The following CAP1 variants were observed in gnomAD, a reference collection of about 807,000 sequenced individuals.
CAP1 encodes adenylyl cyclase-associated protein 1.
Under a neutral mutation model 58.2 loss-of-function variants are expected in CAP1, and 11 were observed. The observed-to-expected ratio is 0.19, with a 90% CI of 0.12 to 0.31. CAP1 has a LOEUF of 0.31. CAP1 is among the 10% of genes least tolerant of loss of function. The pLI, the probability that CAP1 is intolerant of heterozygous loss-of-function variation, is 1.00. For missense variants in CAP1, 423 were observed against 587.5 expected (o/e 0.72, Z 2.89); for synonymous variants, 183 against 213.8 (o/e 0.86, Z 1.26).
In CAP1 at chr1:40,071,094, A is replaced by G. The variant is rs375040449; in HGVS notation, c.1344+115A>G. On this transcript the variant is annotated intron_variant, in intron 12 of 12. Coordinates refer to ENST00000372805, the MANE Select transcript of CAP1 (RefSeq NM_006367.4). ...GCACTGAGCAGGTAAAAACCCAATA[A>G]TGCACACCAAAAGTACACAGAAATG... The G allele has an allele frequency of 4.5e-5, 42 of 937,328 alleles. 1 individual carries two copies. Among genetic ancestry groups the G allele is most frequent in the East Asian group, 1.7e-4 (7 of 41,096 alleles). 58.1% of individuals were successfully genotyped at this position (937,328 alleles called of 1,614,324 possible).
rs11396688 is a variant in CAP1 at position 40,043,874 on chromosome 1, C to CAA, written c.-11+3082_-11+3083dup. Among the ~76,000 whole-genome samples the CAA allele has an allele frequency of 6.4e-4, 95 of 147,898 alleles. No individual in the cohort carries two copies. The East Asian group carries it at 7.1e-3, about 11-fold the overall frequency. On this transcript the variant is annotated intron_variant, in intron 1 of 12. Coordinates refer to ENST00000372805, the MANE Select transcript of CAP1 (RefSeq NM_006367.4). ...CCTGGGTGATAGTGAGACTCTGTCT[C>CAA]AAAAAAAAAAGAAAAGAAAAAAGAA...
chr1:40,059,157 T>TA (rs1271182496), intron 1 of CAP1, among the ~76,000 whole-genome samples, 180 bp from the exon 2 acceptor site: 1 of 152,186 alleles, frequency 6.6e-6, no homozygotes, highest in Non-Finnish European at 1.5e-5. Flanking sequence ...GCTACTTTTT[T>TA]ATCTGATATT....
chr1:40,065,872 A>G (rs1221497019), intron 6 of CAP1, among the ~76,000 whole-genome samples: 1 of 152,146 alleles, frequency 6.6e-6, no homozygotes, highest in African/African-American at 2.4e-5. Flanking sequence ...TCAGTTTTAC[A>G]TATTAGATTG....
intron 1 of CAP1, among the ~76,000 whole-genome samples, chr1:40,049,598 C>T (rs1646265491): frequency 6.6e-6 from 1 of 152,122 alleles, no homozygotes; most frequent in Non-Finnish European, 1.5e-5. Context: ...CCTCCAAAAG[C>T]TTGTCTGTTC....
chr1:40,063,873 G>T (rs902406722), intron 4 of CAP1, among the ~76,000 whole-genome samples: 2 of 152,134 alleles, frequency 1.3e-5, no homozygotes, highest in African/African-American at 4.8e-5. Context: ...GGAAAATTTG[G>T]ATTCATGGGA....
chr1:40,045,255 G>A (rs149217588), intron 1 of CAP1, among the ~76,000 whole-genome samples: 81 of 152,242 alleles, frequency 5.3e-4, no homozygotes, highest in African/African-American at 1.8e-3. Context: ...GAATTGCTGC[G>A]TTAGAAAGTA....
At chr1:40,063,710 T>C (rs528030713) in intron 4 of CAP1, among the ~76,000 whole-genome samples, 12 of 152,330 alleles carry the variant, frequency 7.9e-5, no homozygotes, top group Admixed American at 5.2e-4. Flanking sequence ...AAAGAGCTCG[T>C]CTTTGAAGAA....
rs116088051 is a variant in CAP1 at position 40,058,839 on chromosome 1, G to T, written c.-10-498G>T. Among the ~76,000 whole-genome samples, 874 of 152,280 alleles carry T rather than the reference G, an allele frequency of 5.7e-3. 6 individuals carry two copies. The highest frequency in any genetic ancestry group is 0.02 in the African/African-American group (840 of 41,564). On this transcript the variant is annotated intron_variant, in intron 1 of 12. Coordinates refer to ENST00000372805, the MANE Select transcript of CAP1 (RefSeq NM_006367.4). ...AACACACTGAACTTAGAACCAGAAGGATCAGATAAGGATATGATGGAGTAC... is the reference window on the plus strand; with the variant it reads ...AACACACTGAACTTAGAACCAGAAGTATCAGATAAGGATATGATGGAGTAC...
At chr1:40,057,373 G>A (rs1249351025) in intron 1 of CAP1, 3 of 152,214 alleles carry the variant, frequency 2.0e-5, no homozygotes, top group East Asian at 3.8e-4. Flanking sequence ...CAGGAATTCA[G>A]ATATCAGTTG....
intron 1 of CAP1, among the ~76,000 whole-genome samples, chr1:40,042,325 A>T (rs1475843956): frequency 1.3e-5 from 2 of 152,274 alleles, no homozygotes; most frequent in East Asian, 3.8e-4. Context: ...CATAGTGCAT[A>T]GCACAGGGCT....
chr1:40,069,454 A>G (rs1296921734), intron 8 of CAP1: 1 of 414,464 alleles, frequency 2.4e-6, no homozygotes. Context: ...GGATTTACAT[A>G]TCCTTATCCT....
intron 1 of CAP1, among the ~76,000 whole-genome samples, chr1:40,048,298 C>T (rs1256577870): frequency 6.6e-6 from 1 of 152,168 alleles, no homozygotes; most frequent in East Asian, 1.9e-4. Flanking sequence ...CCTTCTCAGC[C>T]TCCCAAAGCG....
intron 12 of CAP1, 104 bp from the exon 13 acceptor site, chr1:40,071,346 C>T (rs1647978869): frequency 2.6e-6 from 2 of 772,582 alleles, no homozygotes; most frequent in Non-Finnish European, 4.4e-6. Context: ...TTGTACCGTG[C>T]TCCTGGGGTT....
chr1:40,046,618 C>T (rs1047134777), intron 1 of CAP1, among the ~76,000 whole-genome samples: 3 of 152,162 alleles, frequency 2.0e-5, no homozygotes, highest in African/African-American at 7.2e-5. Context: ...GTGATTTCAT[C>T]ATTGTGGGAA....
rs1646994109 is a variant in CAP1, at chr1:40,064,544, A to G, written c.509A>G (p.Lys170Arg). 6.8e-6 allele frequency: 11 copies of G among 1,612,438 alleles called. No individual in the cohort carries two copies. Among genetic ancestry groups the G allele is most frequent in the East Asian group, 2.2e-5 (1 of 44,878 alleles). The change falls in exon 6 of 13, where the codon AAA becomes AGA. Residue 170 changes from lysine (K) to arginine (R), a missense_variant. Coordinates refer to ENST00000372805, the MANE Select transcript of CAP1 (RefSeq NM_006367.4). ...AAMFYTNRVL[K>R]EYKDVDKKHV... ...ATGTTTTATACAAACCGAGTCCTCAAAGAGTACAAAGATGTGTAAGTTCAG... is the reference window on the plus strand; with the variant it reads ...ATGTTTTATACAAACCGAGTCCTCAGAGAGTACAAAGATGTGTAAGTTCAG...
chr1:40,059,407 G>C lies in CAP1; in HGVS notation c.61G>C (p.Val21Leu). 1 of 1,613,906 alleles carries C rather than the reference G, an allele frequency of 6.2e-7. No homozygotes were observed. Among genetic ancestry groups the C allele is most frequent in the African/African-American group, 1.3e-5 (1 of 75,048 alleles). ...LERAVGRLEA[V>L]SHTSDMHRGY... ...GAGGGCAGTGGGCCGCCTGGAGGCA[G>C]TATCTCATACCTCTGACATGCACCG... The change falls in exon 2 of 13, where the codon GTA becomes CTA. Residue 21 changes from valine (V) to leucine (L), a missense_variant. Physicochemically the swap from Val to Leu is conservative, Grantham distance 32. Coordinates refer to ENST00000372805, the MANE Select transcript of CAP1 (RefSeq NM_006367.4).
chr1:40,040,846 C>T (rs1389236731), intron 1 of CAP1, 45 bp downstream of exon 1: 2 of 152,914 alleles, frequency 1.3e-5, no homozygotes, highest in East Asian at 3.8e-4. Flanking sequence ...CTTCCGGGGC[C>T]CATCGGCCCC....
chr1:40,071,398 C>A, intron 12 of CAP1, 52 bp from the exon 13 acceptor site: 2 of 1,292,812 alleles, frequency 1.5e-6, no homozygotes, highest in Admixed American at 3.5e-5. Flanking sequence ...AGATTTAGCC[C>A]CAGCTGTTCT....
intron 2 of CAP1, 117 bp from the exon 3 acceptor site, chr1:40,059,950 C>A: frequency 1.4e-6 from 1 of 738,772 alleles, no homozygotes; most frequent in Non-Finnish European, 2.3e-6. Context: ...TTTCCTTACT[C>A]CTGTTCTGTA....
Sources: allele counts gnomAD v4.1 joint callset (sites outside exome capture counted in the v4.1 genomes callset), GRCh38; gene constraint gnomAD v4.1.1; transcripts MANE v1.5; gene names NCBI Gene and HGNC (gene_info 2026-07-23, HGNC 2026-07-21).